Variants in WT1 observed in about 807,000 individuals in gnomAD.
The protein encoded by WT1 is WT1 transcription factor, also known as Wilms tumor protein.
In WT1, 8 loss-of-function variants were observed where a neutral mutation model predicts 60.8. The ratio of observed to expected loss-of-function variants is 0.13; its 90% confidence interval spans 0.08 to 0.24. The LOEUF (loss-of-function observed/expected upper bound fraction) is 0.24, where lower values mean the gene tolerates loss of function less well. Ranked by LOEUF, WT1 falls within the 10% of genes least tolerant of loss-of-function variation. WT1 has a pLI of 1.00. For missense variants in WT1, 568 were observed against 711.8 expected, an observed-to-expected ratio of 0.80 and a Z score of 2.30; for synonymous variants, 312 against 297.1, an observed-to-expected ratio of 1.05 and a Z score of -0.52.
intron 1 of WT1, chr11:32,430,856 C>G (rs1853281757): frequency 8.1e-7 from 1 of 1,233,858 alleles, no homozygotes; most frequent in Non-Finnish European, 1.0e-6. Flanking sequence ...AGAAGCTTAT[C>G]GGACACGGGT....
At chr11:32,423,288 T>G (rs1374178811) in intron 3 of WT1, among the ~76,000 whole-genome samples, 1 of 152,208 alleles carries the variant, frequency 6.6e-6, no homozygotes, top group Non-Finnish European at 1.5e-5. Context: ...CCTGCAATTC[T>G]TTAGGTGCCT....
chr11:32,433,767 G>A (rs1254967061), intron 1 of WT1, among the ~76,000 whole-genome samples: 3 of 152,234 alleles, frequency 2.0e-5, no homozygotes, highest in Non-Finnish European at 4.4e-5. Context: ...AAACCAACCT[G>A]ATACTTATCG....
rs1564973093 is a variant in WT1, at chr11:32,396,399, T to TAC, written c.1121_1122insGT (p.Arg375TyrfsTer6). ...GAGTCGGGGCTACTCCAGGCACACG[T>TAC]CGCACATCCTGCAGGCAGAGAGTAA... On this transcript the variant is annotated frameshift_variant, in exon 7 of 10. Coordinates refer to ENST00000452863, the MANE Select transcript of WT1 (RefSeq NM_024426.6). LOFTEE classifies it high-confidence loss of function. 6 of 1,613,692 alleles carry TAC rather than the reference T, an allele frequency of 3.7e-6. No individual in the cohort carries two copies. Among genetic ancestry groups the TAC allele is most frequent in the East Asian group, 2.2e-5 (1 of 44,860 alleles).
chr11:32,405,905 A>G (rs1300225977), intron 5 of WT1, among the ~76,000 whole-genome samples: 1 of 152,236 alleles, frequency 6.6e-6, no homozygotes, highest in Non-Finnish European at 1.5e-5. Flanking sequence ...AATGAGCTGG[A>G]TAATCCTGGT....
intron 3 of WT1, among the ~76,000 whole-genome samples, chr11:32,420,674 C>T (rs1852825754): frequency 6.6e-6 from 1 of 152,078 alleles, no homozygotes; most frequent in Non-Finnish European, 1.5e-5. Context: ...CTCTCATTAC[C>T]ATTTATATAA....
intron 3 of WT1, among the ~76,000 whole-genome samples, chr11:32,418,129 G>T (rs1852737278): frequency 6.6e-6 from 1 of 151,438 alleles, no homozygotes; most frequent in South Asian, 2.1e-4. Flanking sequence ...AGTGATGGGT[G>T]ATAAATGGTC....
intron 5 of WT1, among the ~76,000 whole-genome samples, chr11:32,403,027 A>T (rs1419975104): frequency 1.3e-5 from 2 of 152,206 alleles, no homozygotes; most frequent in Non-Finnish European, 2.9e-5. Flanking sequence ...TCATGAAATT[A>T]AGTGGTGTGA....
intron 5 of WT1, among the ~76,000 whole-genome samples, chr11:32,409,223 G>A (rs941053289): frequency 1.3e-5 from 2 of 151,920 alleles, no homozygotes; most frequent in Non-Finnish European, 2.9e-5. Flanking sequence ...ATTTTAAAAA[G>A]TAAAATTTAA....
intron 5 of WT1, among the ~76,000 whole-genome samples, chr11:32,406,089 T>C (rs1188053881): frequency 6.6e-6 from 1 of 151,906 alleles, no homozygotes; most frequent in South Asian, 2.1e-4. Flanking sequence ...GAAGGACAGG[T>C]TTGAAACATT....
chr11:32,417,567 A>G lies in WT1; in HGVS notation c.965+10T>C. 1.2e-6 allele frequency: 2 copies of G among 1,612,294 alleles called. No homozygotes were observed. The highest frequency in any genetic ancestry group is 1.7e-5 in the Admixed American group (1 of 60,030). The stretch of plus-strand genomic sequence containing the variant: ...ACTGTGGAAAGGCAATGGAATAGAG[A>G]AAACCTTACCCCTTTAAGGTGGCTC... On this transcript the variant is annotated intron_variant, in intron 4 of 9. Transcript: ENST00000452863.
intron 5 of WT1, among the ~76,000 whole-genome samples, chr11:32,413,808 A>C (rs1445167169): frequency 1.3e-5 from 2 of 152,204 alleles, no homozygotes; most frequent in Non-Finnish European, 2.9e-5. Flanking sequence ...TCACAGTCTA[A>C]AAGGTTTCCA....
At chr11:32,408,035 T>A (rs1215817938) in intron 5 of WT1, among the ~76,000 whole-genome samples, 2 of 151,178 alleles carry the variant, frequency 1.3e-5, no homozygotes, top group Admixed American at 6.6e-5. Context: ...CCAGCCTGGC[T>A]AACATGGTGA....
At chr11:32,399,783 C>A (rs5030261) in intron 6 of WT1, among the ~76,000 whole-genome samples, 165 bp downstream of exon 6, 1 of 152,224 alleles carries the variant, frequency 6.6e-6, no homozygotes, top group Non-Finnish European at 1.5e-5. Flanking sequence ...GACACAGCCG[C>A]CTTATCAGAC....
chr11:32,431,119 G>C (rs1425535530), intron 1 of WT1, among the ~76,000 whole-genome samples: 1 of 152,166 alleles, frequency 6.6e-6, no homozygotes, highest in Non-Finnish European at 1.5e-5. Context: ...CTCCCCCGCC[G>C]GCGGCTGCAG....
At chr11:32,412,326 T>C (rs10835906) in intron 5 of WT1, among the ~76,000 whole-genome samples, 44,118 of 151,978 alleles carry the variant, frequency 0.29, 7,274 homozygotes, top group East Asian at 0.68. Flanking sequence ...TTGAATACTG[T>C]GTGTTCCCAA....
At chr11:32,389,726 T>C (rs1851760853) in intron 9 of WT1, among the ~76,000 whole-genome samples, 1 of 152,012 alleles carries the variant, frequency 6.6e-6, no homozygotes, top group African/African-American at 2.4e-5. Context: ...AGTTTACATG[T>C]TATGTGTTGT....
intron 3 of WT1, among the ~76,000 whole-genome samples, chr11:32,425,228 AG>A (rs767259456): frequency 6.0e-5 from 9 of 149,538 alleles, no homozygotes; most frequent in Non-Finnish European, 1.0e-4. Context: ...TTGGTGAGGG[AG>A]GGGGAGAAAA....
chr11:32,416,439 G>C (rs1392372101), intron 5 of WT1, 51 bp downstream of exon 5: 1 of 1,612,658 alleles, frequency 6.2e-7, no homozygotes, highest in Non-Finnish European at 8.5e-7. Flanking sequence ...CCAGGTGCCA[G>C]TCAGCAAGGC....
At chr11:32,408,160 T>C (rs960983865) in intron 5 of WT1, among the ~76,000 whole-genome samples, 4 of 149,156 alleles carry the variant, frequency 2.7e-5, no homozygotes, top group Non-Finnish European at 5.9e-5. Flanking sequence ...GAGTCGGAAG[T>C]TGCAGTGAGC....
Sources: gnomAD v4.1 joint callset for allele counts (sites outside exome capture counted in the v4.1 genomes callset) on GRCh38, gnomAD v4.1.1 for gene constraint, MANE v1.5 for transcripts, NCBI Gene and HGNC (gene_info 2026-07-23, HGNC 2026-07-21) for gene names.